RRM2B: variants seen among roughly 807,000 people sequenced by gnomAD.
RRM2B encodes ribonucleotide reductase regulatory TP53 inducible subunit M2B.
In RRM2B, 20 loss-of-function variants were observed where a neutral mutation model predicts 45.9. The ratio of observed to expected loss-of-function variants is 0.44; its 90% confidence interval spans 0.31 to 0.63. RRM2B has a LOEUF of 0.63. Among genes scored for constraint, RRM2B ranks in the 30% least tolerant of loss-of-function variants. The probability of loss-of-function intolerance (pLI) is 0.09; values close to 1 mark genes in which losing one functional copy is unlikely to be tolerated. For synonymous variants in RRM2B, 124 were observed against 132.3 expected, an observed-to-expected ratio of 0.94 and a Z score of 0.43; for missense variants, 320 against 414.7, an observed-to-expected ratio of 0.77 and a Z score of 1.98.
chr8:102,226,468 A>C (rs1810934328), intron 2 of RRM2B, among the ~76,000 whole-genome samples: 1 of 152,118 alleles, frequency 6.6e-6, no homozygotes. Flanking sequence ...TCAAATTAAC[A>C]TAATCTAGTG....
intron 7 of RRM2B, among the ~76,000 whole-genome samples, 188 bp downstream of exon 7, chr8:102,213,866 G>GACTT (rs1304924706): frequency 2.0e-5 from 3 of 152,050 alleles, no homozygotes; most frequent in Non-Finnish European, 4.4e-5. Context: ...AATAAAGACT[G>GACTT]ACTTACTAAA....
At chr8:102,226,254 T>TG (rs1018749705) in intron 2 of RRM2B, among the ~76,000 whole-genome samples, 13 of 151,752 alleles carry the variant, frequency 8.6e-5, no homozygotes, top group East Asian at 1.9e-4. Flanking sequence ...CTATTCTTGG[T>TG]GGGGGGGTGA....
intron 1 of RRM2B, among the ~76,000 whole-genome samples, chr8:102,235,388 T>A (rs928775443): frequency 6.6e-6 from 1 of 152,172 alleles, no homozygotes; most frequent in Non-Finnish European, 1.5e-5. Context: ...CACAAGGTGC[T>A]CAGTACCTGG....
chr8:102,213,674 T>C (rs185509275), intron 7 of RRM2B, among the ~76,000 whole-genome samples: 60 of 152,010 alleles, frequency 3.9e-4, no homozygotes, highest in Non-Finnish European at 7.7e-4. Context: ...TCAAGCTAGG[T>C]ACCTTGCTAC....
At chr8:102,228,627 C>T (rs1810974906) in intron 2 of RRM2B, among the ~76,000 whole-genome samples, 1 of 152,244 alleles carries the variant, frequency 6.6e-6, no homozygotes, top group African/African-American at 2.4e-5. Context: ...GTTGTGGGTA[C>T]TCCTCACAGA....
At position 102,223,682 on chromosome 8, in the gene RRM2B, C is replaced by T. The variant is rs141136644; in HGVS notation, c.550+364G>A. Among the ~76,000 whole-genome samples, 77 of 129,236 alleles carry T rather than the reference C, an allele frequency of 6.0e-4. 1 individual carries two copies. In the East Asian group the frequency reaches 0.013, roughly 21 times the overall value. The allele number at this position is 129,236 out of a possible 152,430, so 84.8% of individuals were successfully genotyped here. On this transcript the variant is annotated intron_variant, in intron 5 of 8. Coordinates refer to ENST00000251810, the MANE Select transcript of RRM2B (RefSeq NM_015713.5). The stretch of plus-strand genomic sequence containing the variant: ...CCACACTCCAGCCTAGGTGACAGAG[C>T]GAGACTCCGTCTCAAAAAAAAAAAA...
chr8:102,208,125 G>C lies in RRM2B; in HGVS notation c.*8C>G, dbSNP rs553058259. 1 of 1,609,492 alleles carries C rather than the reference G, an allele frequency of 6.2e-7. No homozygotes were observed. The highest frequency in any genetic ancestry group is 8.5e-7 in the Non-Finnish European group (1 of 1,176,280). On this transcript the variant is annotated 3_prime_UTR_variant, in exon 9 of 9. Coordinates refer to ENST00000251810, the MANE Select transcript of RRM2B (RefSeq NM_015713.5). The stretch of plus-strand genomic sequence containing the variant: ...ACAAGTTTATAGAGTTTTAAAACGA[G>C]AGGTTTTTTAAAAATCTGCATCCAA...
rs1374262547 is a variant in RRM2B at position 102,225,905 on chromosome 8, G to A, written c.321+13C>T. 5.5e-6 allele frequency: 8 copies of A among 1,441,632 alleles called. No individual in the cohort carries two copies. Among genetic ancestry groups the A allele is most frequent in the Non-Finnish European group, 7.8e-6 (8 of 1,023,668 alleles). The allele number at this position is 1,441,632 out of a possible 1,614,324, so 89.3% of individuals were successfully genotyped here. On this transcript the variant is annotated intron_variant, in intron 3 of 8. Coordinates refer to ENST00000251810, the MANE Select transcript of RRM2B (RefSeq NM_015713.5). Reference sequence around the variant, plus strand: ...TAAAGGAGAACAAAAGTTAAATCAAGCAAAAATCTTACCAAATTTTCATTT... The same window carrying A: ...TAAAGGAGAACAAAAGTTAAATCAAACAAAAATCTTACCAAATTTTCATTT...
Position 102,224,932 on chromosome 8 carries a change from C to T in RRM2B, c.408G>A (p.Glu136=). 6.2e-7 allele frequency: 1 copy of T among 1,613,956 alleles called. No individual in the cohort carries two copies. Among genetic ancestry groups the T allele is most frequent in the Non-Finnish European group, 8.5e-7 (1 of 1,179,860 alleles). ...FQILIENVHS[E]MYSLLIDTYI... is the part of the protein sequence containing the mutation. ...AAGTGTCTATCAGCAAACTGTACAT[C>T]TCTGAGTGAACATTCTCGATGAGAA... The change falls in exon 4 of 9, where the codon GAG becomes GAA. Residue 136 remains glutamate (E), a synonymous_variant. Coordinates refer to ENST00000251810, the MANE Select transcript of RRM2B (RefSeq NM_015713.5).
chr8:102,224,988 G>C lies in RRM2B; in HGVS notation c.352C>G (p.Pro118Ala). ...AAGCCATAGAAACAGCGAGCCTCTG[G>C]AACCTGCACCTCCTGACTAAAGCGC... ...VERFSQEVQVPEARCFYGFQI... is the reference protein window; with the variant it reads ...VERFSQEVQVAEARCFYGFQI... Residue 118 changes from proline to alanine, a missense_variant, in exon 4 of 9, where the codon CCA (proline) becomes GCA (alanine). Coordinates refer to ENST00000251810, the MANE Select transcript of RRM2B (RefSeq NM_015713.5). 1 of 1,614,066 alleles carries C rather than the reference G, an allele frequency of 6.2e-7. No homozygotes were observed. Among genetic ancestry groups the C allele is most frequent in the Non-Finnish European group, 8.5e-7 (1 of 1,179,984 alleles).
intron 1 of RRM2B, among the ~76,000 whole-genome samples, chr8:102,238,203 A>C (rs1811156132): frequency 6.6e-6 from 1 of 152,248 alleles, no homozygotes; most frequent in South Asian, 2.1e-4. Flanking sequence ...AAAGCATTTT[A>C]CTTAATTCTC....
intron 2 of RRM2B, among the ~76,000 whole-genome samples, chr8:102,226,363 T>G (rs968772676): frequency 6.6e-6 from 1 of 151,688 alleles, no homozygotes; most frequent in Non-Finnish European, 1.5e-5. Flanking sequence ...TCATACACCT[T>G]AAACATACAC....
chr8:102,219,257 A>G (rs747108511), intron 5 of RRM2B, among the ~76,000 whole-genome samples: 2 of 152,266 alleles, frequency 1.3e-5, no homozygotes, highest in African/African-American at 2.4e-5. Flanking sequence ...CTATGAGTGC[A>G]GGTACATGCA....
At chr8:102,212,466 T>A (rs1335702844) in intron 8 of RRM2B, among the ~76,000 whole-genome samples, 1 of 152,248 alleles carries the variant, frequency 6.6e-6, no homozygotes, top group Non-Finnish European at 1.5e-5. Flanking sequence ...GCGATTTATA[T>A]GAGGGTGAAT....
intron 5 of RRM2B, among the ~76,000 whole-genome samples, chr8:102,221,446 C>T (rs879864653): frequency 3.3e-5 from 5 of 152,162 alleles, no homozygotes; most frequent in Non-Finnish European, 7.4e-5. Context: ...CATGAAACAG[C>T]ACTTCCTCAG....
rs755423550 is a variant in RRM2B at position 102,225,051 on chromosome 8, T to C, written c.322-33A>G. ...GATAAGGAAAATAGATATATCCAGT[T>C]CTATAGGCTCTCATTAAACACTGCA... is the stretch of plus-strand genomic sequence containing the variant. On this transcript the variant is annotated intron_variant, in intron 3 of 8. Transcript: ENST00000251810. 25 of 1,611,826 alleles carry C rather than the reference T, an allele frequency of 1.6e-5. No individual in the cohort carries two copies. In the Admixed American group the frequency reaches 4.2e-4, roughly 27 times the overall value.
chr8:102,222,303 C>G (rs1810850894), intron 5 of RRM2B, among the ~76,000 whole-genome samples: 1 of 152,108 alleles, frequency 6.6e-6, no homozygotes, highest in Non-Finnish European at 1.5e-5. Context: ...TCTTCAACTG[C>G]TGGCCTCAAG....
rs1810536382 is a variant in RRM2B at position 102,205,876 on chromosome 8, G to A, written c.*2257C>T. The A allele has an allele frequency of 6.6e-6, 1 of 152,014 alleles. No homozygotes were observed. Among genetic ancestry groups the A allele is most frequent in the South Asian group, 2.1e-4 (1 of 4,830 alleles). 9.4% of individuals were successfully genotyped at this position (152,014 alleles called of 1,614,324 possible). ...AACCAGTGCATTAAAAATCCAGTATGTCAGTATTAAGACTTCTTCATCCAA... is the reference window on the plus strand; with the variant it reads ...AACCAGTGCATTAAAAATCCAGTATATCAGTATTAAGACTTCTTCATCCAA... On this transcript the variant is annotated 3_prime_UTR_variant, in exon 9 of 9. Transcript: ENST00000251810.
intron 8 of RRM2B, among the ~76,000 whole-genome samples, chr8:102,211,208 C>T (rs1345130965): frequency 6.6e-6 from 1 of 152,196 alleles, no homozygotes; most frequent in Non-Finnish European, 1.5e-5. Context: ...GTTGCCTAGG[C>T]TGGTCTCAAA....
Sources: allele counts gnomAD v4.1 joint callset (sites outside exome capture counted in the v4.1 genomes callset), GRCh38; gene constraint gnomAD v4.1.1; transcripts MANE v1.5; gene names NCBI Gene and HGNC (gene_info 2026-07-23, HGNC 2026-07-21).